VWCE: variants seen among roughly 807,000 people sequenced by gnomAD.
The protein encoded by VWCE is von Willebrand factor C and EGF domain-containing protein.
Under a neutral mutation model 102.9 loss-of-function variants are expected in VWCE, and 68 were observed. The observed-to-expected ratio is 0.66, with a 90% CI of 0.54 to 0.81. The LOEUF (loss-of-function observed/expected upper bound fraction) is 0.81, where lower values mean the gene tolerates loss of function less well. VWCE is among the 30% of genes least tolerant of loss of function. The pLI is 0.00. For synonymous variants in VWCE, 497 were observed against 515.4 expected (o/e 0.96, Z 0.48); for missense variants, 1,137 against 1,263.6 (o/e 0.90, Z 1.52).
At chr11:61,268,868 C>G (rs1257228715) in intron 15 of VWCE, 54 bp downstream of exon 15, 1 of 1,581,748 alleles carries the variant, frequency 6.3e-7, no homozygotes, top group Admixed American at 1.7e-5. Context: ...GCTTAAGGAG[C>G]CCGATGCCTG....
rs750321659 is a variant in VWCE, at chr11:61,265,131, CG to C, written c.2046del (p.Val683CysfsTer35). 20 of 1,603,158 alleles carry C rather than the reference CG, an allele frequency of 1.2e-5. No homozygotes were observed. The highest frequency in any genetic ancestry group is 1.7e-5 in the Non-Finnish European group (20 of 1,174,436). On this transcript the variant is annotated frameshift_variant, in exon 17 of 20. Transcript: ENST00000335613. LOFTEE classifies it high-confidence loss of function. ...YPFHPDGECC[P>X]VCRDCNYEGR... is the part of the protein sequence containing the mutation. Reference sequence around the variant, plus strand: ...AGCTGGTCCCACTCACCTCGGCACACGGGGCAGCACTCCCCGTCAGGGTGGA... The same window carrying C: ...AGCTGGTCCCACTCACCTCGGCACACGGGCAGCACTCCCCGTCAGGGTGGA...
rs886599074 is a variant in VWCE at position 61,276,520 on chromosome 11, G to T, written c.1495+73C>A. ...ACCACCTGAGGCTCAACACCAGCCT[G>T]GGCAACATAGTGAGGTCTACAAAAA... On this transcript the variant is annotated intron_variant, in intron 11 of 19. Transcript: ENST00000335613. 60 of 1,176,674 alleles carry T rather than the reference G, an allele frequency of 5.1e-5. No individual in the cohort carries two copies. In the African/African-American group the frequency reaches 7.8e-4, roughly 15 times the overall value. 72.9% of individuals were successfully genotyped at this position (1,176,674 alleles called of 1,614,324 possible).
chr11:61,276,817 T>G (rs1412826164), intron 10 of VWCE, 137 bp from the exon 11 acceptor site: 8 of 394,292 alleles, frequency 2.0e-5, no homozygotes. Context: ...CACCCCAGCC[T>G]GGGCAACAAA....
chr11:61,285,845 C>G (rs1248187067), intron 5 of VWCE, among the ~76,000 whole-genome samples: 1 of 152,212 alleles, frequency 6.6e-6, no homozygotes, highest in Non-Finnish European at 1.5e-5. Context: ...CCTCCACCTG[C>G]TGGGTTCAAG....
intron 1 of VWCE, among the ~76,000 whole-genome samples, chr11:61,292,234 A>C (rs1215578338): frequency 7.4e-5 from 11 of 149,540 alleles, no homozygotes; most frequent in Admixed American, 6.6e-4. Context: ...ACAAAAAAAA[A>C]AAAAAGAGAG....
chr11:61,290,670 T>G, intron 4 of VWCE, 129 bp downstream of exon 4: 1 of 1,088,656 alleles, frequency 9.2e-7, no homozygotes, highest in Non-Finnish European at 1.3e-6. Flanking sequence ...CTGCCCACTC[T>G]CAAACATCAG....
At chr11:61,263,813 C>T (rs1202023849) in intron 19 of VWCE, among the ~76,000 whole-genome samples, 1 of 152,102 alleles carries the variant, frequency 6.6e-6, no homozygotes, top group Non-Finnish European at 1.5e-5. Context: ...CCCGGCACAC[C>T]GTGGGTGCTC....
intron 1 of VWCE, among the ~76,000 whole-genome samples, chr11:61,292,194 G>C (rs1006172114): frequency 6.6e-6 from 1 of 150,904 alleles, no homozygotes; most frequent in African/African-American, 2.4e-5. Context: ...CTGCCCTTCA[G>C]CCTAAGTGAC....
intron 4 of VWCE, among the ~76,000 whole-genome samples, chr11:61,290,549 A>G (rs969538439): frequency 1.3e-5 from 2 of 151,660 alleles, no homozygotes; most frequent in African/African-American, 4.8e-5. Flanking sequence ...ACAGGGACCA[A>G]CTGTGGCTCC....
chr11:61,273,442 A>G, intron 12 of VWCE, 126 bp from the exon 13 acceptor site: 1 of 873,380 alleles, frequency 1.1e-6, no homozygotes, highest in Admixed American at 2.9e-5. Context: ...TGACAAAGAA[A>G]TCTACTAAAG....
In VWCE at chr11:61,259,105, A is replaced by G. The variant is rs1386373490; in HGVS notation, c.2438T>C (p.Leu813Ser). 3 of 1,614,130 alleles carry G rather than the reference A, an allele frequency of 1.9e-6. No homozygotes were observed. In the Admixed American group the frequency reaches 5.0e-5, roughly 27 times the overall value. ...LRTNLMKTQT[L>S]PTSPAGAHGP... ...ATGAGCTCCTGCCGGGCTTGTAGGT[A>G]AAGTCTGTGTTTTCATCAAGTTCGT... Residue 813 changes from leucine (L) to serine (S), a missense_variant, in exon 20 of 20, where the codon TTA becomes TCA. Coordinates refer to ENST00000335613, the MANE Select transcript of VWCE (RefSeq NM_152718.2).
At chr11:61,281,333 T>C in intron 7 of VWCE, 98 bp from the exon 8 acceptor site, 2 of 1,431,282 alleles carry the variant, frequency 1.4e-6, no homozygotes, top group Non-Finnish European at 1.9e-6. Flanking sequence ...CAAGTCCCTG[T>C]TCACCCCCCG....
intron 4 of VWCE, among the ~76,000 whole-genome samples, chr11:61,289,306 A>G (rs1187288099): frequency 6.6e-6 from 1 of 151,830 alleles, no homozygotes; most frequent in African/African-American, 2.4e-5. Flanking sequence ...GCTGGAGTGC[A>G]GTGGTGTGAT....
intron 14 of VWCE, chr11:61,269,445 C>CT (rs1244812610): frequency 0.041 from 6,127 of 150,124 alleles, 326 homozygotes; most frequent in African/African-American, 0.13. Context: ...AGGTTTCTTT[C>CT]TTTTTTTTTT....
chr11:61,269,371 C>A, intron 14 of VWCE: 1 of 233,318 alleles, frequency 4.3e-6, no homozygotes, highest in Non-Finnish European at 8.6e-6. Context: ...TACCATAAAA[C>A]CCTATTTTTA....
intron 19 of VWCE, among the ~76,000 whole-genome samples, chr11:61,264,225 CAAAAAAAAAAAAA>C (rs547085588): frequency 1.5e-4 from 3 of 19,986 alleles, no homozygotes; most frequent in South Asian, 1.8e-3. Flanking sequence ...GACTCAGTCT[CAAAAAAAAAAAAA>C]AAAAAAAAAA....
Position 61,276,628 on chromosome 11 carries a change from G to A in VWCE, c.1460C>T (p.Thr487Ile), listed in dbSNP as rs763939813. ...SPECPSGPCQ[T>I]PPQTDCCTCV... ...AGTACAGCAATCCGTCTGTGGGGGG[G>A]TCTGACAGGGGCCAGAAGGACACTC... Residue 487 changes from threonine (T) to isoleucine (I), a missense_variant, in exon 11 of 20, where the codon ACC (threonine) becomes ATC (isoleucine). Thr to Ile is a moderately conservative substitution (Grantham distance 89, BLOSUM62 -1). Coordinates refer to ENST00000335613, the MANE Select transcript of VWCE (RefSeq NM_152718.2). The A allele has an allele frequency of 1.1e-5, 17 of 1,607,042 alleles. No individual in the cohort carries two copies. In the South Asian group the frequency reaches 1.8e-4, roughly 17 times the overall value.
Position 61,281,859 on chromosome 11 carries a change from G to A in VWCE, c.714C>T (p.His238=). 6.2e-7 allele frequency: 1 copy of A among 1,613,948 alleles called. No individual in the cohort carries two copies. The change falls in exon 7 of 20, where the codon CAC becomes CAT. Residue 238 remains histidine, a synonymous_variant. Transcript: ENST00000335613. ...LERRVCHHSC[H]NTVGSFLCTC... ...TGCATAGGAAGCTGCCCACGGTGTT[G>A]TGGCAGGAATGGTGACAGACTCGCC...
chr11:61,279,874 C>A (rs144260882), intron 9 of VWCE, among the ~76,000 whole-genome samples: 1 of 152,086 alleles, frequency 6.6e-6, no homozygotes, highest in Non-Finnish European at 1.5e-5. Context: ...TACATGTACA[C>A]GCCACCATAC....
Sources: gnomAD v4.1 joint callset for allele counts (sites outside exome capture counted in the v4.1 genomes callset) on GRCh38, gnomAD v4.1.1 for gene constraint, MANE v1.5 for transcripts, NCBI Gene and HGNC (gene_info 2026-07-23, HGNC 2026-07-21) for gene names.